Variants in ZSWIM5 observed in about 807,000 individuals in gnomAD.
The protein encoded by ZSWIM5 is zinc finger SWIM-type containing 5, also known as zinc finger SWIM domain-containing protein 5.
A neutral mutation model predicts 119.6 loss-of-function variants in ZSWIM5; 55 were observed. That is an observed-to-expected ratio of 0.46 (90% CI 0.37 to 0.58). ZSWIM5 has a LOEUF of 0.58. ZSWIM5 is among the 20% of genes least tolerant of loss of function. ZSWIM5 has a pLI of 0.00. For missense variants in ZSWIM5, 1,193 were observed against 1,512.8 expected, an observed-to-expected ratio of 0.79 and a Z score of 3.51; for synonymous variants, 537 against 606.9, an observed-to-expected ratio of 0.88 and a Z score of 1.69.
In ZSWIM5 at chr1:45,021,041, CT is replaced by C. The variant is rs112071546; in HGVS notation, c.2450-254del. Among the ~76,000 whole-genome samples the C allele has an allele frequency of 5.5e-3, 799 of 145,338 alleles. 3 individuals are homozygous for C. Among genetic ancestry groups the C allele is most frequent in the East Asian group, 8.6e-3 (43 of 5,014 alleles). Reference sequence around the variant, plus strand: ...CCTAATACCCTCTACCCTCAGGATCCTTTTTTTTTTTGGAGACGGAGTCTTG... The same window carrying C: ...CCTAATACCCTCTACCCTCAGGATCCTTTTTTTTTTGGAGACGGAGTCTTG... On this transcript the variant is annotated intron_variant, in intron 11 of 13. Transcript: ENST00000359600.
rs1445890097 is a variant in ZSWIM5, at chr1:45,190,014, G to C, written c.595+15742C>G. On this transcript the variant is annotated intron_variant, in intron 1 of 13. Transcript: ENST00000359600. ...GAAACGTCACAGTAACTAGGCTCAG[G>C]CTTTTCTGTAAAACAGTTGCTGGGT... 2.0e-5 allele frequency among the ~76,000 whole-genome samples: 3 copies of C among 151,926 alleles called. No individual in the cohort carries two copies. In the East Asian group the frequency reaches 5.8e-4, roughly 30 times the overall value.
intron 1 of ZSWIM5, among the ~76,000 whole-genome samples, chr1:45,110,633 TC>T (rs1557769081): frequency 6.6e-6 from 1 of 152,176 alleles, no homozygotes; most frequent in Admixed American, 6.5e-5. Context: ...AGAATCCTAT[TC>T]CCTGTGCCAA....
intron 1 of ZSWIM5, among the ~76,000 whole-genome samples, chr1:45,144,591 G>A (rs981144818): frequency 2.0e-5 from 3 of 152,082 alleles, no homozygotes; most frequent in African/African-American, 7.2e-5. Flanking sequence ...TCAATGAAGC[G>A]AGGACAGTCT....
At chr1:45,070,331 C>T (rs1241911785) in intron 2 of ZSWIM5, 12 of 1,414,052 alleles carry the variant, frequency 8.5e-6, no homozygotes, top group East Asian at 2.3e-5. Flanking sequence ...CCAGAGCATA[C>T]ACAGTCATGG....
At chr1:45,059,995 C>A in intron 3 of ZSWIM5, 104 bp downstream of exon 3, 2 of 1,387,102 alleles carry the variant, frequency 1.4e-6, no homozygotes, top group Admixed American at 2.0e-5. Context: ...TCAGCTATGT[C>A]AAGTGAGCTA....
intron 1 of ZSWIM5, among the ~76,000 whole-genome samples, chr1:45,163,507 C>A (rs578076798): frequency 6.6e-6 from 1 of 152,120 alleles, no homozygotes; most frequent in Non-Finnish European, 1.5e-5. Flanking sequence ...TTCAGAAGAT[C>A]GGTAATAACA....
chr1:45,180,693 C>A (rs1481428397), intron 1 of ZSWIM5, among the ~76,000 whole-genome samples: 1 of 152,150 alleles, frequency 6.6e-6, no homozygotes, highest in East Asian at 1.9e-4. Context: ...CCAGTAGGGG[C>A]AGACTGACAC....
At chr1:45,084,676 G>C (rs1299735734) in intron 2 of ZSWIM5, among the ~76,000 whole-genome samples, 2 of 152,248 alleles carry the variant, frequency 1.3e-5, no homozygotes, top group Non-Finnish European at 2.9e-5. Context: ...CCAAAACCCA[G>C]CAGGGCAGTC....
At chr1:45,053,096 C>G (rs1198055822) in intron 4 of ZSWIM5, among the ~76,000 whole-genome samples, 1 of 146,858 alleles carries the variant, frequency 6.8e-6, no homozygotes, top group Admixed American at 6.9e-5. Context: ...GCACTCAAGC[C>G]TGAGCAACAA....
chr1:45,086,910 A>C (rs1335483195), intron 2 of ZSWIM5, among the ~76,000 whole-genome samples: 1 of 145,436 alleles, frequency 6.9e-6, no homozygotes, highest in Non-Finnish European at 1.5e-5. Context: ...TTGAGATGGA[A>C]TCTTGCTCTG....
intron 1 of ZSWIM5, among the ~76,000 whole-genome samples, chr1:45,171,902 G>A (rs1463630533): frequency 1.3e-5 from 2 of 151,988 alleles, no homozygotes; most frequent in African/African-American, 4.8e-5. Flanking sequence ...AACTACAATT[G>A]TTTCTATAAC....
At chr1:45,034,723 A>ATGATATATTGTAAAAAGAGAGAAAAGT (rs1644972900) in intron 10 of ZSWIM5, among the ~76,000 whole-genome samples, 1 of 152,242 alleles carries the variant, frequency 6.6e-6, no homozygotes, top group Admixed American at 6.5e-5. Context: ...GTTGAATAGT[A>ATGATATATTGTAAAAAGAGAGAAAAGT]TGATATATTG....
chr1:45,172,074 G>GA (rs1645948786), intron 1 of ZSWIM5, among the ~76,000 whole-genome samples: 4 of 151,842 alleles, frequency 2.6e-5, no homozygotes. Context: ...AAATGCAGAG[G>GA]AAAATCTAAT....
At chr1:45,106,048 G>A (rs1476832204) in intron 1 of ZSWIM5, among the ~76,000 whole-genome samples, 56 of 133,998 alleles carry the variant, frequency 4.2e-4, no homozygotes, top group Non-Finnish European at 7.3e-4. Context: ...GCCTCTGCCC[G>A]GCCGCCCCGT....
intron 2 of ZSWIM5, among the ~76,000 whole-genome samples, chr1:45,062,829 T>G (rs1260628995): frequency 6.6e-6 from 1 of 152,274 alleles, no homozygotes; most frequent in African/African-American, 2.4e-5. Flanking sequence ...TAATTTCAAC[T>G]CTTATTTTAG....
chr1:45,164,827 G>A (rs1645890533), intron 1 of ZSWIM5, among the ~76,000 whole-genome samples: 1 of 152,062 alleles, frequency 6.6e-6, no homozygotes, highest in Non-Finnish European at 1.5e-5. Context: ...CAAATCCTTA[G>A]AGACCTACGA....
chr1:45,159,750 A>T (rs1384448317), intron 1 of ZSWIM5, among the ~76,000 whole-genome samples: 1 of 152,012 alleles, frequency 6.6e-6, no homozygotes, highest in African/African-American at 2.4e-5. Flanking sequence ...TACCACACCC[A>T]GCTGATTTTT....
chr1:45,105,994 GA>G (rs1645472818), intron 1 of ZSWIM5, among the ~76,000 whole-genome samples: 2 of 150,514 alleles, frequency 1.3e-5, no homozygotes, highest in Middle Eastern at 3.5e-3. Context: ...AATGGGAAGT[GA>G]GGAGCGCCTC....
rs1224582742 is a variant in ZSWIM5 at position 45,150,186 on chromosome 1, A to G, written c.595+55570T>C. 7.0e-3 allele frequency among the ~76,000 whole-genome samples: 1,049 copies of G among 150,622 alleles called. 14 individuals are homozygous for G. Among genetic ancestry groups the G allele is most frequent in the African/African-American group, 0.018 (748 of 40,846 alleles). ...CTCTATCTCTTAAAAAAAAAAAAAAAAAAAAGAAAAAGAAAAGAAAAAAAG... is the reference window on the plus strand; with the variant it reads ...CTCTATCTCTTAAAAAAAAAAAAAAGAAAAAGAAAAAGAAAAGAAAAAAAG... On this transcript the variant is annotated intron_variant, in intron 1 of 13. Coordinates refer to ENST00000359600, the MANE Select transcript of ZSWIM5 (RefSeq NM_020883.2).
Sources: gnomAD v4.1 joint callset for allele counts (sites outside exome capture counted in the v4.1 genomes callset) on GRCh38, gnomAD v4.1.1 for gene constraint, MANE v1.5 for transcripts, NCBI Gene and HGNC (gene_info 2026-07-23, HGNC 2026-07-21) for gene names.